The following WDFY4 variants were observed in gnomAD, a reference collection of about 807,000 sequenced individuals.
WDFY4 encodes the protein WD repeat- and FYVE domain-containing protein 4.
In WDFY4, 169 loss-of-function variants were observed where a neutral mutation model predicts 351.9. The ratio of observed to expected loss-of-function variants is 0.48; its 90% CI spans 0.42 to 0.55. The LOEUF (loss-of-function observed/expected upper bound fraction) is 0.55, where lower values mean the gene tolerates loss of function less well. Among genes scored for constraint, WDFY4 ranks in the 20% least tolerant of loss-of-function variants. The probability of loss-of-function intolerance (pLI) is 0.00; values close to 1 mark genes in which losing one functional copy is unlikely to be tolerated. For synonymous variants in WDFY4, 1,622 were observed against 1,574.6 expected, an observed-to-expected ratio of 1.03 and a Z score of -0.71; for missense variants, 3,803 against 3,935.6, an observed-to-expected ratio of 0.97 and a Z score of 0.90.
At chr10:48,772,201 G>A (rs1004609060) in intron 13 of WDFY4, among the ~76,000 whole-genome samples, 1 of 152,164 alleles carries the variant, frequency 6.6e-6, no homozygotes, top group East Asian at 1.9e-4. Context: ...GGCAGGGAAA[G>A]AGCTGAAGGA....
intron 36 of WDFY4, 55 bp downstream of exon 36, chr10:48,826,964 G>C (rs901076881): frequency 1.4e-6 from 2 of 1,428,204 alleles, no homozygotes; most frequent in Non-Finnish European, 1.9e-6. Context: ...AGAAAGGAGA[G>C]ATTTAGAGGA....
At chr10:48,686,957 T>C (rs531031975) in intron 1 of WDFY4, among the ~76,000 whole-genome samples, 1 of 152,264 alleles carries the variant, frequency 6.6e-6, no homozygotes, top group South Asian at 2.1e-4. Flanking sequence ...TTTTCCAAAG[T>C]TTTTGCCTCA....
Position 48,725,908 on chromosome 10 carries a change from C to G in WDFY4, c.619C>G (p.Gln207Glu). Reference protein sequence around the residue: ...QMLLNICSDSQGLEGLLSGSE... With the variant: ...QMLLNICSDSEGLEGLLSGSE... ...GTTGCTCAATATTTGCAGTGACTCT[C>G]AGGGCCTGGAGGGACTCCTCTCAGG... Residue 207 changes from glutamine (Q) to glutamate (E), a missense_variant, in exon 6 of 62, where the codon CAG becomes GAG. Physicochemically the swap from Gln to Glu is conservative, Grantham distance 29. This residue lies in a region of WDFY4 where 488 missense variants were observed against 456.8 expected (regional missense o/e 1.07). Coordinates refer to ENST00000325239, the MANE Select transcript of WDFY4 (RefSeq NM_001394531.1). The G allele has an allele frequency of 6.5e-7, 1 of 1,548,528 alleles. No homozygotes were observed. Among genetic ancestry groups the G allele is most frequent in the Non-Finnish European group, 8.7e-7 (1 of 1,144,368 alleles).
At chr10:48,792,245 C>G (rs768050921) in intron 23 of WDFY4, among the ~76,000 whole-genome samples, 1 of 152,110 alleles carries the variant, frequency 6.6e-6, no homozygotes, top group Non-Finnish European at 1.5e-5. Flanking sequence ...CAAGATCAAG[C>G]TCAAATAGCA....
chr10:48,889,655 A>G (rs2070609755), intron 43 of WDFY4, among the ~76,000 whole-genome samples: 1 of 152,188 alleles, frequency 6.6e-6, no homozygotes, highest in Admixed American at 6.5e-5. Flanking sequence ...TTTAGGGTTT[A>G]CTATGTAAGG....
chr10:48,718,497 G>T (rs1374941275), intron 2 of WDFY4, among the ~76,000 whole-genome samples: 6 of 152,242 alleles, frequency 3.9e-5, no homozygotes, highest in Non-Finnish European at 8.8e-5. Context: ...TCTTTGAGCA[G>T]GAGCTTAAGC....
intron 27 of WDFY4, 104 bp downstream of exon 27, chr10:48,806,199 C>T: frequency 2.6e-6 from 3 of 1,132,240 alleles, no homozygotes; most frequent in Non-Finnish European, 3.9e-6. Flanking sequence ...AAGGGGAAGG[C>T]ACCCACAGCC....
chr10:48,720,071 G>A lies in WDFY4; in HGVS notation c.295G>A (p.Val99Met), dbSNP rs373178324. Residue 99 changes from valine to methionine, a missense_variant, in exon 3 of 62, where the codon GTG (valine) becomes ATG (methionine). By Grantham distance (21) the Val-to-Met change is conservative (BLOSUM62 1). Coordinates refer to ENST00000325239, the MANE Select transcript of WDFY4 (RefSeq NM_001394531.1). The part of the protein sequence containing the change: ...FPSLQRLAED[V>M]SDQLAQQLQK... ...CAGTCTCCAAAGGCTGGCTGAAGAC[G>A]TGTCTGACCAGCTTGCCCAGCAACT... 34 of 1,551,636 alleles carry A rather than the reference G, an allele frequency of 2.2e-5. No individual in the cohort carries two copies. The highest frequency in any genetic ancestry group is 2.8e-5 in the Non-Finnish European group (32 of 1,147,000).
At chr10:48,885,813 TG>T (rs1226846150) in intron 43 of WDFY4, among the ~76,000 whole-genome samples, 1 of 152,134 alleles carries the variant, frequency 6.6e-6, no homozygotes, top group African/African-American at 2.4e-5. Context: ...TACATTCCTT[TG>T]ATTATTAGTA....
At chr10:48,717,104 A>G (rs2063934803) in intron 2 of WDFY4, among the ~76,000 whole-genome samples, 1 of 152,248 alleles carries the variant, frequency 6.6e-6, no homozygotes, top group Non-Finnish European at 1.5e-5. Flanking sequence ...AGGCATAGTA[A>G]TAGTACAAAC....
chr10:48,982,616 G>T lies in WDFY4; in HGVS notation c.*41G>T. 1 of 1,529,822 alleles carries T rather than the reference G, an allele frequency of 6.5e-7. No individual in the cohort carries two copies. The allele number at this position is 1,529,822 out of a possible 1,614,324, so 94.8% of individuals were successfully genotyped here. A position where few individuals can be genotyped will look rare whatever the true frequency, so the allele number is the denominator to read the frequency against. ...AGAGGCTCTGGCACAACAGTGCCAGGCTGAGGGTGGCAGAGGTGACTGGGG... is the reference window on the plus strand; with the variant it reads ...AGAGGCTCTGGCACAACAGTGCCAGTCTGAGGGTGGCAGAGGTGACTGGGG... On this transcript the variant is annotated 3_prime_UTR_variant, in exon 62 of 62. Coordinates refer to ENST00000325239, the MANE Select transcript of WDFY4 (RefSeq NM_001394531.1).
At chr10:48,792,302 T>C (rs2066710316) in intron 23 of WDFY4, among the ~76,000 whole-genome samples, 1 of 152,236 alleles carries the variant, frequency 6.6e-6, no homozygotes, top group South Asian at 2.1e-4. Context: ...TGTTTCCTGG[T>C]CCTCTTGGCA....
At chr10:48,976,344 CA>C (rs1242261385) in intron 58 of WDFY4, among the ~76,000 whole-genome samples, 8 of 152,206 alleles carry the variant, frequency 5.3e-5, no homozygotes, top group Middle Eastern at 3.2e-3. Context: ...AGGGACATTG[CA>C]CAAGCTTATG....
intron 39 of WDFY4, among the ~76,000 whole-genome samples, chr10:48,854,102 A>G (rs1229111607): frequency 1.4e-5 from 2 of 148,010 alleles, no homozygotes; most frequent in African/African-American, 5.1e-5. Context: ...TTTTTAGGAG[A>G]CAGTCTAAGT....
rs1213229731 is a variant in WDFY4, at chr10:48,877,106, C to T, written c.7074C>T (p.Phe2358=). 2 of 1,548,368 alleles carry T rather than the reference C, an allele frequency of 1.3e-6. No homozygotes were observed. Among genetic ancestry groups the T allele is most frequent in the Non-Finnish European group, 1.7e-6 (2 of 1,145,142 alleles). The change falls in exon 43 of 62, where the codon TTC becomes TTT. Residue 2358 remains phenylalanine, a synonymous_variant. Coordinates refer to ENST00000325239, the MANE Select transcript of WDFY4 (RefSeq NM_001394531.1). Reference sequence around the variant, plus strand: ...TGGACTGCACCCAGCTGACCTTCTTCCCAGCCTTACACGAAAGTCTGCACT... The same window carrying T: ...TGGACTGCACCCAGCTGACCTTCTTTCCAGCCTTACACGAAAGTCTGCACT... The part of the protein sequence containing the change: ...VGVDCTQLTF[F]PALHESLHSE...
chr10:48,834,630 C>T (rs2068315974), intron 39 of WDFY4, among the ~76,000 whole-genome samples: 1 of 152,164 alleles, frequency 6.6e-6, no homozygotes, highest in African/African-American at 2.4e-5. Flanking sequence ...CAGAAGGGGC[C>T]CAGCCCCTCT....
rs1301981683 is a variant in WDFY4, at chr10:48,727,663, A to T, written c.971+4A>T. ...TGCTGCTCAAAGTGTTACTTCGGTA[A>T]GTGGCTGTGTTTGGTACGGGGAGAG... On this transcript the variant is annotated splice_donor_region_variant and intron_variant, in intron 7 of 61. Transcript: ENST00000325239. The T allele has an allele frequency of 1.9e-6, 3 of 1,551,890 alleles. No individual in the cohort carries two copies. The highest frequency in any genetic ancestry group is 1.7e-6 in the Non-Finnish European group (2 of 1,146,980).
At chr10:48,920,904 C>G (rs1378391559) in intron 47 of WDFY4, among the ~76,000 whole-genome samples, 4 of 152,112 alleles carry the variant, frequency 2.6e-5, no homozygotes, top group Admixed American at 6.6e-5. Flanking sequence ...AATAATAATG[C>G]TCCAAATAAT....
At chr10:48,962,081 A>G (rs1008996606) in intron 53 of WDFY4, among the ~76,000 whole-genome samples, 1 of 152,182 alleles carries the variant, frequency 6.6e-6, no homozygotes, top group African/African-American at 2.4e-5. Context: ...GGTAAGAAGA[A>G]GGGCCAGCAG....
Sources: gnomAD v4.1 joint callset for allele counts (sites outside exome capture counted in the v4.1 genomes callset) on GRCh38, gnomAD v4.1.1 for gene constraint, gnomAD v4.1.1 regional missense constraint, MANE v1.5 for transcripts, NCBI Gene and HGNC (gene_info 2026-07-23, HGNC 2026-07-21) for gene names.